ADAM12: variants seen among roughly 807,000 people sequenced by gnomAD.
ADAM12 encodes the protein disintegrin and metalloproteinase domain-containing protein 12.
In ADAM12, 70 loss-of-function variants were observed where a neutral mutation model predicts 106.4. The ratio of observed to expected loss-of-function variants is 0.66; its 90% confidence interval spans 0.54 to 0.80. The LOEUF (loss-of-function observed/expected upper bound fraction) is 0.80, where lower values mean the gene tolerates loss of function less well. Among genes scored for constraint, ADAM12 ranks in the 30% least tolerant of loss-of-function variants. The pLI, the probability that ADAM12 is intolerant of heterozygous loss-of-function variation, is 0.00. For missense variants in ADAM12, 1,010 were observed against 1,171.9 expected (o/e 0.86, Z 2.02); for synonymous variants, 420 against 433.5 (o/e 0.97, Z 0.39).
At chr10:126,128,935 G>A (rs564877808) in intron 5 of ADAM12, among the ~76,000 whole-genome samples, 4 of 151,788 alleles carry the variant, frequency 2.6e-5, no homozygotes, top group East Asian at 3.9e-4. Context: ...TGTGTGGTGC[G>A]CGTGTGGGAA....
chr10:126,134,933 C>G (rs1956377450), intron 5 of ADAM12, among the ~76,000 whole-genome samples: 1 of 152,202 alleles, frequency 6.6e-6, no homozygotes, highest in South Asian at 2.1e-4. Context: ...AAGGCTGAAA[C>G]AGCTGGAAAT....
intron 8 of ADAM12, among the ~76,000 whole-genome samples, chr10:126,102,085 A>G (rs1955679404): frequency 6.6e-6 from 1 of 151,904 alleles, no homozygotes; most frequent in South Asian, 2.1e-4. Flanking sequence ...GGGAAAAGCA[A>G]CTCCTCCAGG....
rs368648129 is a variant in ADAM12 at position 126,042,257 on chromosome 10, C to T, written c.2104+783G>A. On this transcript the variant is annotated intron_variant, in intron 18 of 22. Transcript: ENST00000448723. ...GCTTCTTTCCCTCGAAAAGAGGCAT[C>T]ATTTAGACTTGCCCCTGAATTGCCC... is the stretch of plus-strand genomic sequence containing the variant. 4 of 1,611,486 alleles carry T rather than the reference C, an allele frequency of 2.5e-6. No individual in the cohort carries two copies. The East Asian group carries it at 8.9e-5, about 36-fold the overall frequency.
intron 4 of ADAM12, among the ~76,000 whole-genome samples, chr10:126,149,094 G>A (rs1956682387): frequency 6.6e-6 from 1 of 152,188 alleles, no homozygotes; most frequent in Non-Finnish European, 1.5e-5. Context: ...AGGACCGGGG[G>A]AAGACGAGGG....
At chr10:126,118,349 T>G in intron 5 of ADAM12, 125 bp from the exon 6 acceptor site, 1 of 709,064 alleles carries the variant, frequency 1.4e-6, no homozygotes, top group Non-Finnish European at 2.2e-6. Context: ...TATTCTCAGA[T>G]TTTGATTGGA....
intron 3 of ADAM12, among the ~76,000 whole-genome samples, chr10:126,241,823 T>C (rs6597748): frequency 0.34 from 52,469 of 152,178 alleles, 9,770 homozygotes; most frequent in African/African-American, 0.49. Context: ...GTGTTATTAA[T>C]AGTGCTATCA....
intron 2 of ADAM12, among the ~76,000 whole-genome samples, chr10:126,314,507 G>T (rs1171001008): frequency 6.6e-6 from 1 of 152,066 alleles, no homozygotes; most frequent in Non-Finnish European, 1.5e-5. Context: ...ACAAATTTTG[G>T]GAGCACCCTC....
intron 1 of ADAM12, among the ~76,000 whole-genome samples, chr10:126,342,699 T>A (rs1854972895): frequency 6.6e-6 from 1 of 152,250 alleles, no homozygotes; most frequent in South Asian, 2.1e-4. Context: ...GCAGGTCTTT[T>A]ATCAGAGCAA....
Position 126,388,115 on chromosome 10 carries a change from C to G in ADAM12, c.31G>C (p.Ala11Pro), listed in dbSNP as rs776164501. 2.5e-6 allele frequency: 3 copies of G among 1,223,862 alleles called. No individual in the cohort carries two copies. Among genetic ancestry groups the G allele is most frequent in the Non-Finnish European group, 3.1e-6 (3 of 982,486 alleles). 75.8% of individuals were successfully genotyped at this position (1,223,862 alleles called of 1,614,324 possible). A position where few individuals can be genotyped will look rare whatever the true frequency, so the allele number is the denominator to read the frequency against. Residue 11 changes from alanine to proline, a missense_variant, in exon 1 of 23, where the codon GCC becomes CCC. Coordinates refer to ENST00000448723, the MANE Select transcript of ADAM12 (RefSeq NM_001288973.2). The surrounding 1 kb of genome is among the most constrained non-coding windows in gnomAD (Gnocchi z 4.4). The stretch of plus-strand genomic sequence containing the variant: ...GCCAGGGCGAGCAGGAGGGCGCGGG[C>G]GGGGGACACGGGCAGCGGGCGCGCT... The part of the protein sequence containing the change: MAARPLPVSP[A>P]RALLLALAGA...
chr10:126,201,917 G>A (rs1484113953), intron 3 of ADAM12, among the ~76,000 whole-genome samples: 1 of 152,216 alleles, frequency 6.6e-6, no homozygotes, highest in African/African-American at 2.4e-5. Flanking sequence ...AGAGGCAGCA[G>A]GCTAGTTCAG....
intron 11 of ADAM12, among the ~76,000 whole-genome samples, chr10:126,088,116 C>T (rs1224447830): frequency 1.3e-5 from 2 of 152,146 alleles, no homozygotes; most frequent in Admixed American, 6.6e-5. Flanking sequence ...CTTTTAGAGG[C>T]CCACACTGAA....
chr10:126,204,710 G>A (rs1957764973), intron 3 of ADAM12, among the ~76,000 whole-genome samples: 1 of 152,236 alleles, frequency 6.6e-6, no homozygotes, highest in African/African-American at 2.4e-5. Flanking sequence ...CCTTCTAGCT[G>A]TGAGGCCTTG....
At chr10:126,287,612 C>T (rs576136332) in intron 2 of ADAM12, among the ~76,000 whole-genome samples, 20 of 152,108 alleles carry the variant, frequency 1.3e-4, no homozygotes, top group African/African-American at 4.6e-4. Context: ...CCTGGCACCT[C>T]ACTTGGATGT....
intron 3 of ADAM12, among the ~76,000 whole-genome samples, chr10:126,270,774 G>T (rs1193865798): frequency 6.6e-6 from 1 of 152,162 alleles, no homozygotes; most frequent in African/African-American, 2.4e-5. Context: ...GCTCCTGGTA[G>T]TGGGGAACAC....
At chr10:126,313,509 T>C (rs1292129834) in intron 2 of ADAM12, among the ~76,000 whole-genome samples, 1 of 152,220 alleles carries the variant, frequency 6.6e-6, no homozygotes, top group African/African-American at 2.4e-5. Flanking sequence ...AGATCTCATA[T>C]GGAATAGCCA....
chr10:126,364,017 G>A (rs530740901), intron 1 of ADAM12, among the ~76,000 whole-genome samples: 2 of 151,982 alleles, frequency 1.3e-5, no homozygotes, highest in Non-Finnish European at 2.9e-5. Flanking sequence ...ATCCATGAAT[G>A]AATATTTATA....
intron 3 of ADAM12, among the ~76,000 whole-genome samples, chr10:126,174,304 A>G (rs1432984937): frequency 3.3e-5 from 5 of 152,022 alleles, no homozygotes; most frequent in African/African-American, 1.2e-4. Flanking sequence ...ACTTCATTGC[A>G]TATTTCCTAT....
At chr10:126,091,369 G>A (rs1193188996) in intron 11 of ADAM12, among the ~76,000 whole-genome samples, 1 of 152,196 alleles carries the variant, frequency 6.6e-6, no homozygotes, top group Admixed American at 6.5e-5. Flanking sequence ...AGGGTTGACT[G>A]AGCCGCTCGA....
At chr10:126,195,118 G>C (rs889293821) in intron 3 of ADAM12, among the ~76,000 whole-genome samples, 2 of 152,268 alleles carry the variant, frequency 1.3e-5, no homozygotes, top group Middle Eastern at 3.4e-3. Context: ...GGGGTGGAGA[G>C]ATGTGGGTCA....
Sources: gnomAD v4.1 joint callset for allele counts (sites outside exome capture counted in the v4.1 genomes callset) on GRCh38, gnomAD v4.1.1 for gene constraint, Gnocchi (gnomAD v3.1) non-coding constraint, MANE v1.5 for transcripts, NCBI Gene and HGNC (gene_info 2026-07-23, HGNC 2026-07-21) for gene names.